The following MTAP variants were observed in gnomAD, a reference collection of about 807,000 sequenced individuals.
MTAP encodes methylthioadenosine phosphorylase, also known as S-methyl-5'-thioadenosine phosphorylase.
MTAP carries 33 observed loss-of-function variants against 33.6 expected under a neutral mutation model. That is an observed-to-expected ratio of 0.98 (90% CI 0.74 to 1.31). MTAP has a LOEUF of 1.31. MTAP is among the 40% of genes most tolerant of loss of function. The pLI is 0.00. For synonymous variants in MTAP, 148 were observed against 125.7 expected (o/e 1.18, Z -1.19); for missense variants, 367 against 360.0 (o/e 1.02, Z -0.16).
chr9:21,921,049 G>T (rs900528917), intron 1 of MTAP, among the ~76,000 whole-genome samples: 4 of 152,054 alleles, frequency 2.6e-5, no homozygotes, highest in African/African-American at 9.7e-5. Context: ...TCTTTAATGG[G>T]AGACTTTTTA....
chr9:21,912,283 G>T lies in MTAP; in HGVS notation c.148-18725G>T, dbSNP rs531292415. The stretch of plus-strand genomic sequence containing the variant: ...GGGAATCCTCCCTAACTCATTTTAT[G>T]AGGCCAGCATCATCCTGATACCAAA... On this transcript the variant is annotated intron_variant, in intron 1 of 1. Coordinates refer to the MTAP transcript ENST00000577563. Among the ~76,000 whole-genome samples the T allele has an allele frequency of 5.1e-3, 769 of 152,276 alleles. 5 individuals carry two copies. Among genetic ancestry groups the T allele is most frequent in the African/African-American group, 0.018 (743 of 41,544 alleles).
intron 4 of MTAP, among the ~76,000 whole-genome samples, chr9:21,836,853 CA>C (rs1476009333): frequency 1.3e-5 from 2 of 152,106 alleles, no homozygotes; most frequent in African/African-American, 4.8e-5. Flanking sequence ...CTAGAAGTAA[CA>C]GGTTAATTTT....
At chr9:21,890,529 G>A (rs909391250) in intron 1 of MTAP, among the ~76,000 whole-genome samples, 1 of 152,120 alleles carries the variant, frequency 6.6e-6, no homozygotes. Flanking sequence ...TTCTCTCTGT[G>A]GTTCTTTCCG....
intron 6 of MTAP, among the ~76,000 whole-genome samples, chr9:21,857,050 G>T (rs1825658398): frequency 6.6e-6 from 1 of 152,164 alleles, no homozygotes; most frequent in South Asian, 2.1e-4. Context: ...TCATCAGATG[G>T]TGGCTCTGAT....
chr9:21,875,969 TTAAAC>T (rs1826002628), intron 1 of MTAP, among the ~76,000 whole-genome samples: 1 of 152,152 alleles, frequency 6.6e-6, no homozygotes, highest in African/African-American at 2.4e-5. Flanking sequence ...CCCACAATGG[TTAAAC>T]TAATTTCCAC....
intron 1 of MTAP, among the ~76,000 whole-genome samples, chr9:21,918,822 T>C (rs1373508643): frequency 7.2e-5 from 11 of 152,078 alleles, no homozygotes; most frequent in Admixed American, 7.2e-4. Context: ...TCTGCCATGA[T>C]TGTGAGGCCT....
chr9:21,927,270 C>G (rs529314180), intron 1 of MTAP, among the ~76,000 whole-genome samples: 2 of 152,226 alleles, frequency 1.3e-5, no homozygotes, highest in African/African-American at 2.4e-5. Context: ...GGTGGCCACA[C>G]TGCCTAAAGG....
At chr9:21,889,522 A>G (rs1818165156) in intron 1 of MTAP, among the ~76,000 whole-genome samples, 1 of 152,084 alleles carries the variant, frequency 6.6e-6, no homozygotes, top group Non-Finnish European at 1.5e-5. Flanking sequence ...AGATTATGTC[A>G]GAGGAAAGGT....
intron 1 of MTAP, among the ~76,000 whole-genome samples, chr9:21,916,917 ATTG>A (rs796176219): frequency 5.9e-5 from 9 of 152,292 alleles, no homozygotes; most frequent in Middle Eastern, 6.8e-3. Flanking sequence ...TACGGAGGAT[ATTG>A]TTGTTATTTA....
rs1254946214 is a variant in MTAP at position 21,862,499 on chromosome 9, T to A, written c.*485T>A. 1 of 152,888 alleles carries A rather than the reference T, an allele frequency of 6.5e-6. No homozygotes were observed. The highest frequency in any genetic ancestry group is 1.9e-4 in the East Asian group (1 of 5,212). The allele number at this position is 152,888 out of a possible 1,614,324, so 9.5% of individuals were successfully genotyped here. A position where few individuals can be genotyped will look rare whatever the true frequency, so the allele number is the denominator to read the frequency against. On this transcript the variant is annotated 3_prime_UTR_variant, in exon 8 of 8. Transcript: ENST00000644715. ...TGCTGGGAACTCTACATCTAGCAAT[T>A]TCTCTTTAAAACCATATCAGAGATG...
In MTAP at chr9:21,865,353, G is replaced by C; in HGVS notation, c.*3339G>C. On this transcript the variant is annotated 3_prime_UTR_variant, in exon 8 of 8. Coordinates refer to ENST00000644715, the MANE Select transcript of MTAP (RefSeq NM_002451.4). ...AGTTTCCTGAGGCCTTCCCAGCTATGTGGAACTGTGAGTTAATTAAACCTC... is the reference window on the plus strand; with the variant it reads ...AGTTTCCTGAGGCCTTCCCAGCTATCTGGAACTGTGAGTTAATTAAACCTC... 3 of 809,462 alleles carry C rather than the reference G, an allele frequency of 3.7e-6. No individual in the cohort carries two copies. The highest frequency in any genetic ancestry group is 4.5e-6 in the Non-Finnish European group (3 of 669,468). The allele number at this position is 809,462 out of a possible 1,614,324, so 50.1% of individuals were successfully genotyped here.
At chr9:21,861,186 A>G (rs185501363) in intron 7 of MTAP, 1 of 152,344 alleles carries the variant, frequency 6.6e-6, no homozygotes. Flanking sequence ...AAATGCTTGA[A>G]GAGTAGAAAT....
intron 4 of MTAP, among the ~76,000 whole-genome samples, chr9:21,820,547 T>C (rs1824607631): frequency 6.6e-6 from 1 of 152,214 alleles, no homozygotes; most frequent in Non-Finnish European, 1.5e-5. Context: ...ACTGTAGCCT[T>C]GTAGTGTAGT....
In MTAP at chr9:21,862,161, T is replaced by C; in HGVS notation, c.*147T>C. 6.7e-7 allele frequency: 1 copy of C among 1,499,712 alleles called. No individual in the cohort carries two copies. Among genetic ancestry groups the C allele is most frequent in the Non-Finnish European group, 8.9e-7 (1 of 1,128,308 alleles). 92.9% of individuals were successfully genotyped at this position (1,499,712 alleles called of 1,614,324 possible). A position where few individuals can be genotyped will look rare whatever the true frequency, so the allele number is the denominator to read the frequency against. On this transcript the variant is annotated 3_prime_UTR_variant, in exon 8 of 8. Transcript: ENST00000644715. ...GTATGTTGTAAGAAAGACAAGACAT[T>C]GTGTGTATTAGAGACTCCTGAATGA...
chr9:21,814,408 T>C (rs1824427177), intron 1 of MTAP, among the ~76,000 whole-genome samples: 1 of 152,238 alleles, frequency 6.6e-6, no homozygotes, highest in East Asian at 1.9e-4. Context: ...TTAAAGCTTT[T>C]CATTGAAAAA....
intron 5 of MTAP, among the ~76,000 whole-genome samples, chr9:21,846,048 A>G (rs1737755204): frequency 6.6e-6 from 1 of 152,220 alleles, no homozygotes; most frequent in Admixed American, 6.5e-5. Flanking sequence ...GTTGCAGGAT[A>G]ATTGGCAAGC....
At chr9:21,931,039 G>T in exon 2 of MTAP, 1 of 764,328 alleles carries the variant, frequency 1.3e-6, no homozygotes, top group African/African-American at 1.7e-5. Flanking sequence ...CTCAGTGAGG[G>T]ATACCATCCT....
At chr9:21,911,237 A>C (rs574070801) in intron 1 of MTAP, among the ~76,000 whole-genome samples, 22 of 152,290 alleles carry the variant, frequency 1.4e-4, no homozygotes, top group African/African-American at 5.1e-4. Context: ...CAAAGTTAAC[A>C]AGGATATCCA....
At chr9:21,905,612 C>CAT (rs1818464313) in intron 1 of MTAP, among the ~76,000 whole-genome samples, 1 of 150,374 alleles carries the variant, frequency 6.7e-6, no homozygotes, top group Admixed American at 6.6e-5. Flanking sequence ...GTGTTAAGTG[C>CAT]ATAGGTGAGA....
Sources: gnomAD v4.1 joint callset for allele counts (sites outside exome capture counted in the v4.1 genomes callset) on GRCh38, gnomAD v4.1.1 for gene constraint, MANE v1.5 for transcripts, NCBI Gene and HGNC (gene_info 2026-07-23, HGNC 2026-07-21) for gene names.